The following LPIN1 variants were observed in gnomAD, a reference collection of about 807,000 sequenced individuals.
LPIN1 encodes phosphatidate phosphatase LPIN1.
In LPIN1, 71 loss-of-function variants were observed where a neutral mutation model predicts 107.5. That is an observed-to-expected ratio of 0.66 (90% CI 0.55 to 0.80). The LOEUF (loss-of-function observed/expected upper bound fraction) is 0.80. LPIN1 is among the 30% of genes least tolerant of loss of function. The pLI, the probability that LPIN1 is intolerant of heterozygous loss-of-function variation, is 0.00. For missense variants in LPIN1, 1,043 were observed against 1,160.6 expected (o/e 0.90, Z 1.47); for synonymous variants, 445 against 452.6 (o/e 0.98, Z 0.21).
rs935909757 is a variant in LPIN1, at chr2:11,713,723, TATTA to T, written c.82-25_82-22del. The stretch of plus-strand genomic sequence containing the variant: ...CCACCACCTAATTCCAGAACATTTC[TATTA>T]ATTAATTTCTAATGTTTTTGTTTTT... On this transcript the variant is annotated intron_variant, in intron 1 of 21. Coordinates refer to the LPIN1 transcript ENST00000449576. The T allele has an allele frequency of 4.6e-6, 6 of 1,301,700 alleles. No individual in the cohort carries two copies. The African/African-American group carries it at 5.8e-5, about 12-fold the overall frequency. 80.6% of individuals were successfully genotyped at this position (1,301,700 alleles called of 1,614,324 possible).
intron 17 of LPIN1, 87 bp from the exon 18 acceptor site, chr2:11,815,001 C>T: frequency 7.7e-7 from 1 of 1,298,728 alleles, no homozygotes; most frequent in Non-Finnish European, 1.1e-6. Flanking sequence ...TGCCATTCTC[C>T]ACAGAACAGA....
intron 1 of LPIN1, among the ~76,000 whole-genome samples, chr2:11,706,346 A>C (rs1014605960): frequency 1.3e-5 from 2 of 152,218 alleles, no homozygotes; most frequent in African/African-American, 4.8e-5. Flanking sequence ...AAGATGCCCC[A>C]TCCTCATCCT....
At chr2:11,701,127 C>T (rs538019216) in intron 1 of LPIN1, among the ~76,000 whole-genome samples, 8 of 152,336 alleles carry the variant, frequency 5.3e-5, no homozygotes, top group African/African-American at 1.7e-4. Context: ...CCCTTTTCCT[C>T]CTGGTCAACT....
At chr2:11,794,975 G>A (rs533317876) in intron 13 of LPIN1, among the ~76,000 whole-genome samples, 18 of 152,180 alleles carry the variant, frequency 1.2e-4, no homozygotes, top group African/African-American at 4.3e-4. Flanking sequence ...ATGTCATCTT[G>A]GAAAAGAAGA....
At chr2:11,800,050 C>T (rs941319338) in intron 14 of LPIN1, among the ~76,000 whole-genome samples, 4 of 152,164 alleles carry the variant, frequency 2.6e-5, no homozygotes, top group African/African-American at 9.7e-5. Flanking sequence ...ATGGCGTATT[C>T]CCCCAGGGCT....
intron 2 of LPIN1, among the ~76,000 whole-genome samples, chr2:11,719,296 A>G (rs1663961233): frequency 6.6e-6 from 1 of 152,092 alleles, no homozygotes; most frequent in East Asian, 1.9e-4. Context: ...TTTATTTAGC[A>G]TGAACAGGAT....
At chr2:11,687,469 C>T (rs1424929924) in intron 1 of LPIN1, among the ~76,000 whole-genome samples, 6 of 151,892 alleles carry the variant, frequency 4.0e-5, no homozygotes, top group African/African-American at 1.5e-4. Flanking sequence ...TCTCCTATAG[C>T]ATGGACAGCA....
At chr2:11,788,000 T>G (rs1274276612) in intron 11 of LPIN1, among the ~76,000 whole-genome samples, 2 of 151,936 alleles carry the variant, frequency 1.3e-5, no homozygotes, top group Non-Finnish European at 2.9e-5. Flanking sequence ...TGTACAGGTA[T>G]TTTTGCAGAC....
At chr2:11,723,507 A>G (rs1486187526), upstream of LPIN1, 1 of 152,184 alleles carries the variant, frequency 6.6e-6, no homozygotes, top group Non-Finnish European at 1.5e-5. Flanking sequence ...AATACAAAAA[A>G]TTACCTGGGC....
Position 11,771,797 on chromosome 2 carries a change from G to A in LPIN1, c.596+118G>A, listed in dbSNP as rs1671884853. ...TTCTTTTATGTGTTTTAGACCAGTG[G>A]TCCCCAACCTTTTTGGCACTAGGGA... On this transcript the variant is annotated intron_variant, in intron 4 of 20. Transcript: ENST00000674199. This position sits in a 1 kb window ranked among gnomAD's most constrained non-coding sequence, Gnocchi z 4.8. 9 of 1,114,686 alleles carry A rather than the reference G, an allele frequency of 8.1e-6. No individual in the cohort carries two copies. Among genetic ancestry groups the A allele is most frequent in the Non-Finnish European group, 1.1e-5 (9 of 785,146 alleles). 69.0% of individuals were successfully genotyped at this position (1,114,686 alleles called of 1,614,324 possible). A position where few individuals can be genotyped will look rare whatever the true frequency, so the allele number is the denominator to read the frequency against.
intron 2 of LPIN1, among the ~76,000 whole-genome samples, chr2:11,715,181 A>C (rs1261289929): frequency 1.3e-5 from 2 of 152,196 alleles, no homozygotes; most frequent in Non-Finnish European, 2.9e-5. Context: ...ATAGTCATGG[A>C]GGCGGCCTCG....
chr2:11,764,125 C>T (rs1236015512), intron 1 of LPIN1: 1 of 138,678 alleles, frequency 7.2e-6, no homozygotes, highest in Non-Finnish European at 1.6e-5. Context: ...CACACAACGA[C>T]TAAAATATAT....
chr2:11,768,732 A>C (rs187636534), intron 3 of LPIN1, among the ~76,000 whole-genome samples: 610 of 152,202 alleles, frequency 4.0e-3, no homozygotes, highest in African/African-American at 0.012. Context: ...GTCAGGAGAT[A>C]GAGACCATCC....
intron 1 of LPIN1, among the ~76,000 whole-genome samples, chr2:11,748,796 G>A (rs1359261598): frequency 6.6e-6 from 1 of 152,198 alleles, no homozygotes; most frequent in South Asian, 2.1e-4. Context: ...GTAGTCGAGG[G>A]GTACAGGCAG....
chr2:11,698,300 G>T (rs1050773752), intron 1 of LPIN1, among the ~76,000 whole-genome samples: 1 of 152,210 alleles, frequency 6.6e-6, no homozygotes, highest in Non-Finnish European at 1.5e-5. Context: ...GATGCTTTGG[G>T]AGAAGGCACT....
At chr2:11,805,285 G>A in intron 17 of LPIN1, 129 bp downstream of exon 17, 2 of 760,546 alleles carry the variant, frequency 2.6e-6, no homozygotes, top group Non-Finnish European at 2.3e-6. Flanking sequence ...CCAGGGAGGG[G>A]CAGTGGGGGT....
At chr2:11,735,930 T>TG (rs1270463479) in intron 1 of LPIN1, among the ~76,000 whole-genome samples, 1 of 152,216 alleles carries the variant, frequency 6.6e-6, no homozygotes, top group African/African-American at 2.4e-5. Context: ...GCTATGACTC[T>TG]GGGGGGCTGG....
At chr2:11,751,262 C>A (rs1286313585) in intron 1 of LPIN1, among the ~76,000 whole-genome samples, 1 of 148,080 alleles carries the variant, frequency 6.8e-6, no homozygotes, top group African/African-American at 2.6e-5. Context: ...CTGTCCAGCA[C>A]CCTGTCCTGT....
At chr2:11,693,203 ATT>A (rs34503437) in intron 1 of LPIN1, among the ~76,000 whole-genome samples, 21 of 135,140 alleles carry the variant, frequency 1.6e-4, no homozygotes, top group South Asian at 2.4e-4. Context: ...CCTGAACAAC[ATT>A]TTTTTTTTTT....
Sources: gnomAD v4.1 joint callset for allele counts (sites outside exome capture counted in the v4.1 genomes callset) on GRCh38, gnomAD v4.1.1 for gene constraint, Gnocchi (gnomAD v3.1) non-coding constraint, MANE v1.5 for transcripts, NCBI Gene and HGNC (gene_info 2026-07-23, HGNC 2026-07-21) for gene names.